GPC5: variants seen among roughly 807,000 people sequenced by gnomAD.
The protein encoded by GPC5 is glypican-5.
GPC5 carries 47 observed loss-of-function variants against 53.9 expected under a neutral mutation model. That is an observed-to-expected ratio of 0.87 (90% CI 0.69 to 1.11). The LOEUF is 1.11. Among genes scored for constraint, GPC5 ranks in the 50% most tolerant of loss-of-function variants. The pLI, the probability that GPC5 is intolerant of heterozygous loss-of-function variation, is 0.00. For synonymous variants in GPC5, 286 were observed against 263.3 expected, an observed-to-expected ratio of 1.09 and a Z score of -0.84; for missense variants, 748 against 713.1, an observed-to-expected ratio of 1.05 and a Z score of -0.56.
intron 7 of GPC5, among the ~76,000 whole-genome samples, chr13:92,560,312 C>A (rs1312592600): frequency 6.6e-6 from 1 of 151,962 alleles, no homozygotes; most frequent in African/African-American, 2.4e-5. Flanking sequence ...CGTCACAGAA[C>A]CTCATACAGC....
intron 7 of GPC5, among the ~76,000 whole-genome samples, chr13:92,196,160 G>GA (rs995621094): frequency 6.6e-6 from 1 of 151,172 alleles, no homozygotes; most frequent in Non-Finnish European, 1.5e-5. Flanking sequence ...GTATCCCCTT[G>GA]AAAAAAAAGT....
At chr13:92,760,203 G>A (rs902392347) in intron 7 of GPC5, among the ~76,000 whole-genome samples, 1 of 152,050 alleles carries the variant, frequency 6.6e-6, no homozygotes, top group Non-Finnish European at 1.5e-5. Flanking sequence ...TGCAAAATTT[G>A]TTAGGAAGTA....
At chr13:92,351,305 T>A (rs1238807505) in intron 7 of GPC5, among the ~76,000 whole-genome samples, 2 of 151,920 alleles carry the variant, frequency 1.3e-5, no homozygotes, top group East Asian at 1.9e-4. Context: ...ATATAATTTT[T>A]AAAAATTAGG....
chr13:91,818,680 G>A (rs1266234169), intron 5 of GPC5, among the ~76,000 whole-genome samples: 5 of 152,154 alleles, frequency 3.3e-5, no homozygotes, highest in African/African-American at 1.2e-4. Flanking sequence ...TCTGTGCTAG[G>A]CCCTCCAGAA....
At chr13:91,927,402 T>C (rs1397124221) in intron 6 of GPC5, among the ~76,000 whole-genome samples, 1 of 152,192 alleles carries the variant, frequency 6.6e-6, no homozygotes, top group Admixed American at 6.5e-5. Context: ...ATCAATAGTT[T>C]GCTTTTCTGT....
chr13:91,420,099 C>T (rs1240509285), intron 1 of GPC5, among the ~76,000 whole-genome samples: 2 of 152,082 alleles, frequency 1.3e-5, no homozygotes, highest in Non-Finnish European at 2.9e-5. Context: ...GTCTCATGAT[C>T]CTGGTATCCT....
At chr13:92,323,343 A>G (rs1261224994) in intron 7 of GPC5, among the ~76,000 whole-genome samples, 1 of 148,462 alleles carries the variant, frequency 6.7e-6, no homozygotes, top group South Asian at 2.2e-4. Flanking sequence ...ATAAAAATAT[A>G]TACATATATA....
chr13:92,279,483 A>G (rs2042898178), intron 7 of GPC5, among the ~76,000 whole-genome samples: 1 of 151,878 alleles, frequency 6.6e-6, no homozygotes. Context: ...TCTTTTTCTT[A>G]TTTTATTACT....
intron 7 of GPC5, among the ~76,000 whole-genome samples, chr13:92,206,188 CAG>C (rs2042335614): frequency 7.9e-6 from 1 of 126,206 alleles, no homozygotes; most frequent in African/African-American, 3.0e-5. Flanking sequence ...TTTTTTGAGA[CAG>C]AGTCTCGGTC....
chr13:92,846,862 A>T (rs1330181025), intron 7 of GPC5, among the ~76,000 whole-genome samples: 1 of 152,228 alleles, frequency 6.6e-6, no homozygotes, highest in Non-Finnish European at 1.5e-5. Context: ...GTAGATTATT[A>T]TTTAGAAATA....
chr13:92,758,832 T>C (rs182926392), intron 7 of GPC5, among the ~76,000 whole-genome samples: 9 of 152,202 alleles, frequency 5.9e-5, no homozygotes, highest in African/African-American at 1.9e-4. Flanking sequence ...ATTTCGCCTA[T>C]ATTTTCATCT....
intron 6 of GPC5, among the ~76,000 whole-genome samples, chr13:91,934,295 G>C (rs2039849701): frequency 6.6e-6 from 1 of 151,878 alleles, no homozygotes; most frequent in Admixed American, 6.6e-5. Flanking sequence ...CCTTGCTTAG[G>C]TATCAGAAGT....
At chr13:91,754,966 A>G (rs2037258364) in intron 4 of GPC5, among the ~76,000 whole-genome samples, 1 of 152,106 alleles carries the variant, frequency 6.6e-6, no homozygotes, top group African/African-American at 2.4e-5. Context: ...AAATACTTAT[A>G]CTAAAAACTT....
At chr13:92,102,249 A>C (rs2041473317) in intron 6 of GPC5, among the ~76,000 whole-genome samples, 1 of 152,132 alleles carries the variant, frequency 6.6e-6, no homozygotes, top group African/African-American at 2.4e-5. Flanking sequence ...AAAAACAAAG[A>C]TCTAGAGTTT....
intron 2 of GPC5, among the ~76,000 whole-genome samples, chr13:91,463,482 G>GGC (rs1294010774): frequency 6.6e-6 from 1 of 152,102 alleles, no homozygotes; most frequent in African/African-American, 2.4e-5. Flanking sequence ...TATGTGGAAA[G>GGC]GCAGAGGACC....
chr13:92,716,848 G>A (rs955235545), intron 7 of GPC5, among the ~76,000 whole-genome samples: 1 of 152,088 alleles, frequency 6.6e-6, no homozygotes, highest in Non-Finnish European at 1.5e-5. Flanking sequence ...GCTTTCTTTA[G>A]TACCACTGAA....
At chr13:92,426,346 A>G (rs983681723) in intron 7 of GPC5, among the ~76,000 whole-genome samples, 4 of 152,030 alleles carry the variant, frequency 2.6e-5, no homozygotes, top group African/African-American at 7.2e-5. Context: ...CTCTTTGCAG[A>G]TCCTACAAAA....
chr13:91,576,312 A>C (rs1012264278), intron 2 of GPC5, among the ~76,000 whole-genome samples: 5 of 34,804 alleles, frequency 1.4e-4, no homozygotes, highest in African/African-American at 3.8e-4. Context: ...TTTAGCCAAT[A>C]CACAATGTGT....
intron 7 of GPC5, among the ~76,000 whole-genome samples, chr13:92,813,891 A>C (rs556502468): frequency 6.6e-6 from 1 of 152,196 alleles, no homozygotes; most frequent in East Asian, 1.9e-4. Flanking sequence ...TAACAAGCAC[A>C]TTCTAAAATT....
Sources: gnomAD v4.1 joint callset for allele counts (sites outside exome capture counted in the v4.1 genomes callset) on GRCh38, gnomAD v4.1.1 for gene constraint, MANE v1.5 for transcripts, NCBI Gene and HGNC (gene_info 2026-07-23, HGNC 2026-07-21) for gene names.